Variants in HCRTR1 observed in about 807,000 individuals in gnomAD.
HCRTR1 encodes the protein orexin/Hypocretin receptor type 1.
In HCRTR1, 28 loss-of-function variants were observed where a neutral mutation model predicts 40.6. That is an observed-to-expected ratio of 0.69 (90% CI 0.51 to 0.95). The LOEUF (loss-of-function observed/expected upper bound fraction) is 0.95. Ranked by LOEUF, HCRTR1 falls within the 40% of genes least tolerant of loss-of-function variation. HCRTR1 has a pLI of 0.00. For missense variants in HCRTR1, 482 were observed against 564.7 expected, an observed-to-expected ratio of 0.85 and a Z score of 1.48; for synonymous variants, 209 against 230.0, an observed-to-expected ratio of 0.91 and a Z score of 0.83.
downstream of HCRTR1, among the ~76,000 whole-genome samples, chr1:31,631,533 G>A (rs573630466): frequency 1.3e-5 from 2 of 152,128 alleles, no homozygotes; most frequent in South Asian, 2.1e-4. Context: ...TTTGTTATGC[G>A]GGCCCTTGGG....
rs1358728679 is a variant in HCRTR1 at position 31,626,469 on chromosome 1, C to A, written c.1088-321C>A. On this transcript the variant is annotated intron_variant, in intron 8 of 8. Coordinates refer to ENST00000403528, the MANE Select transcript of HCRTR1 (RefSeq NM_001525.3). This position sits in a 1 kb window ranked among gnomAD's most constrained non-coding sequence, Gnocchi z 4.6. ...AAGCCTCGCAACAGATAGTGACCCC[C>A]ACGTACACACCAAGGAGAGCAGAGG... Among the ~76,000 whole-genome samples the A allele has an allele frequency of 5.9e-5, 9 of 152,186 alleles. No individual in the cohort carries two copies. In the East Asian group the frequency reaches 1.5e-3, roughly 26 times the overall value.
chr1:31,628,367 C>G (rs1640019437), downstream of HCRTR1, among the ~76,000 whole-genome samples: 1 of 152,244 alleles, frequency 6.6e-6, no homozygotes, highest in Non-Finnish European at 1.5e-5. Flanking sequence ...CAGCCCAGCT[C>G]TCTGTGGACG....
chr1:31,626,721 C>A lies in HCRTR1; in HGVS notation c.1088-69C>A. On this transcript the variant is annotated intron_variant, in intron 8 of 8. Coordinates refer to ENST00000403528, the MANE Select transcript of HCRTR1 (RefSeq NM_001525.3). This position sits in a 1 kb window ranked among gnomAD's most constrained non-coding sequence, Gnocchi z 4.6. The stretch of plus-strand genomic sequence containing the variant: ...AGCTTGGCTGGAGCTGCGTGGGTGT[C>A]CCTGGGCTCAAGGCCCCTTCCTGCT... 1 of 1,285,142 alleles carries A rather than the reference C, an allele frequency of 7.8e-7. No individual in the cohort carries two copies. The highest frequency in any genetic ancestry group is 1.0e-6 in the Non-Finnish European group (1 of 977,946). The allele number at this position is 1,285,142 out of a possible 1,614,324, so 79.6% of individuals were successfully genotyped here. A position where few individuals can be genotyped will look rare whatever the true frequency, so the allele number is the denominator to read the frequency against.
chr1:31,618,819 A>C lies in HCRTR1; in HGVS notation c.-143+3A>C. ...ACTCCTCATCGTGGTCCTGTAAGGTATGTAGGGCTGTCACCCCATTAGACA... is the reference window on the plus strand; with the variant it reads ...ACTCCTCATCGTGGTCCTGTAAGGTCTGTAGGGCTGTCACCCCATTAGACA... On this transcript the variant is annotated splice_donor_region_variant and intron_variant, in intron 2 of 8. Transcript: ENST00000403528. 3.6e-6 allele frequency: 1 copy of C among 277,242 alleles called. No individual in the cohort carries two copies. Among genetic ancestry groups the C allele is most frequent in the Non-Finnish European group, 7.0e-6 (1 of 143,728 alleles). 17.2% of individuals were successfully genotyped at this position (277,242 alleles called of 1,614,324 possible). A position where few individuals can be genotyped will look rare whatever the true frequency, so the allele number is the denominator to read the frequency against.
downstream of HCRTR1, chr1:31,633,310 G>A (rs1640166925): frequency 9.3e-6 from 15 of 1,610,082 alleles, no homozygotes; most frequent in East Asian, 4.5e-5. Context: ...TGGGAGGGGC[G>A]CCACCTGGAG....
At chr1:31,623,905 G>A (rs957547785) in intron 7 of HCRTR1, among the ~76,000 whole-genome samples, 156 bp downstream of exon 7, 6 of 152,174 alleles carry the variant, frequency 3.9e-5, no homozygotes, top group East Asian at 1.9e-4. Flanking sequence ...TAGGGCTATC[G>A]TGAAAATTCA....
Position 31,623,676 on chromosome 1 carries a change from A to G in HCRTR1, c.892A>G (p.Lys298Glu), listed in dbSNP as rs200285087. 5.0e-6 allele frequency: 8 copies of G among 1,614,164 alleles called. No individual in the cohort carries two copies. The highest frequency in any genetic ancestry group is 6.8e-6 in the Non-Finnish European group (8 of 1,180,046). ...KQMRARRKTA[K>E]MLMVVLLVFA... ...GATGCGTGCACGGAGGAAGACAGCC[A>G]AGATGCTGATGGTGGTGCTGCTGGT... Residue 298 changes from lysine to glutamate, a missense_variant, in exon 7 of 9, where the codon AAG (lysine) becomes GAG (glutamate). Coordinates refer to ENST00000403528, the MANE Select transcript of HCRTR1 (RefSeq NM_001525.3).
chr1:31,618,918 A>G, intron 2 of HCRTR1, 102 bp downstream of exon 2: 1 of 479,422 alleles, frequency 2.1e-6, no homozygotes, highest in South Asian at 2.4e-5. Flanking sequence ...GATGCAACCC[A>G]GGTCTGTCTT....
At chr1:31,630,751 C>A, downstream of HCRTR1, 1 of 1,614,130 alleles carries the variant, frequency 6.2e-7, no homozygotes, top group Non-Finnish European at 8.5e-7. Flanking sequence ...AGCGGTCAAG[C>A]TGCATGGCAG....
intron 6 of HCRTR1, among the ~76,000 whole-genome samples, chr1:31,623,249 T>G (rs893547406): frequency 6.7e-6 from 1 of 148,322 alleles, no homozygotes; most frequent in African/African-American, 2.5e-5. Flanking sequence ...AGAGCCAAGA[T>G]TGCACCATTG....
chr1:31,627,489 G>C lies in HCRTR1; in HGVS notation c.*509G>C. The C allele has an allele frequency of 1.6e-6, 1 of 618,340 alleles. No individual in the cohort carries two copies. The highest frequency in any genetic ancestry group is 2.6e-6 in the Non-Finnish European group (1 of 386,200). 38.3% of individuals were successfully genotyped at this position (618,340 alleles called of 1,614,324 possible). Reference sequence around the variant, plus strand: ...ACGAGCACAGCCCCACCCTAACCAGGTGCCAAGGGCACACACCACAGACCC... The same window carrying C: ...ACGAGCACAGCCCCACCCTAACCAGCTGCCAAGGGCACACACCACAGACCC... On this transcript the variant is annotated 3_prime_UTR_variant, in exon 9 of 9. Transcript: ENST00000403528.
At chr1:31,633,304 A>AG, downstream of HCRTR1, 1 of 1,612,080 alleles carries the variant, frequency 6.2e-7, no homozygotes, top group East Asian at 2.2e-5. Context: ...CCACATTGGG[A>AG]GGGGCGCCAC....
downstream of HCRTR1, chr1:31,630,533 A>T (rs1321727698): frequency 7.6e-7 from 1 of 1,318,160 alleles, no homozygotes; most frequent in Non-Finnish European, 1.1e-6. Context: ...ACAGGAAAAG[A>T]AGAGATGTCC....
At position 31,619,561 on chromosome 1, in the gene HCRTR1, AT is replaced by A; in HGVS notation, c.230del (p.Met77ArgfsTer19). 1 of 1,614,072 alleles carries A rather than the reference AT, an allele frequency of 6.2e-7. No individual in the cohort carries two copies. Among genetic ancestry groups the A allele is most frequent in the East Asian group, 2.2e-5 (1 of 44,876 alleles). ...CCTGGCCGTGTGGCGGAACCACCAC[AT>A]GAGGACAGTCACCAACTACTTCATT... ...VCLAVWRNHH[M>X]RTVTNYFIVN... On this transcript the variant is annotated frameshift_variant, in exon 4 of 9. Transcript: ENST00000403528. LOFTEE classifies it high-confidence loss of function.
downstream of HCRTR1, among the ~76,000 whole-genome samples, chr1:31,628,035 A>C (rs1257892886): frequency 2.0e-5 from 3 of 152,146 alleles, no homozygotes; most frequent in African/African-American, 7.2e-5. Context: ...TCTGCCACCG[A>C]GATTTTAAGG....
chr1:31,632,434 A>G, downstream of HCRTR1: 2 of 1,611,994 alleles, frequency 1.2e-6, no homozygotes, highest in Non-Finnish European at 1.7e-6. Flanking sequence ...GTTGTATCTT[A>G]GGGTGTAAAG....
downstream of HCRTR1, among the ~76,000 whole-genome samples, chr1:31,634,023 C>G (rs1339055955): frequency 6.6e-6 from 1 of 151,824 alleles, no homozygotes; most frequent in Non-Finnish European, 1.5e-5. Flanking sequence ...TACCTTAGGA[C>G]ACTGAGTTAA....
rs1471402336 is a variant in HCRTR1 at position 31,621,508 on chromosome 1, C to T, written c.654C>T (p.Cys218=). The change falls in exon 6 of 9, where the codon TGC becomes TGT. Residue 218 remains cysteine, a synonymous_variant. Transcript: ENST00000403528. ...TCTATCCCAAGATCTACCACAGTTG[C>T]TTCTTTATTGTCACCTACCTGGCCC... is the stretch of plus-strand genomic sequence containing the variant. ...DDLYPKIYHS[C]FFIVTYLAPL... is the part of the protein sequence containing the mutation. The T allele has an allele frequency of 6.2e-7, 1 of 1,614,052 alleles. No homozygotes were observed. The highest frequency in any genetic ancestry group is 1.1e-5 in the South Asian group (1 of 91,086).
downstream of HCRTR1, chr1:31,630,821 T>C (rs1190948123): frequency 6.2e-7 from 1 of 1,610,682 alleles, no homozygotes; most frequent in East Asian, 2.2e-5. Flanking sequence ...GGGGCTCAGG[T>C]TGTAGCCCAT....
Sources: gnomAD v4.1 joint callset for allele counts (sites outside exome capture counted in the v4.1 genomes callset) on GRCh38, gnomAD v4.1.1 for gene constraint, Gnocchi (gnomAD v3.1) non-coding constraint, MANE v1.5 for transcripts, NCBI Gene and HGNC (gene_info 2026-07-23, HGNC 2026-07-21) for gene names.